PLCH1: variants seen among roughly 807,000 people sequenced by gnomAD.
The protein encoded by PLCH1 is phospholipase C eta 1.
A neutral mutation model predicts 126.7 loss-of-function variants in PLCH1; 60 were observed. The observed-to-expected ratio is 0.47, with a 90% CI of 0.38 to 0.59. The LOEUF (loss-of-function observed/expected upper bound fraction) is 0.59. Ranked by LOEUF, PLCH1 falls within the 20% of genes least tolerant of loss-of-function variation. PLCH1 has a pLI of 0.00. For synonymous variants in PLCH1, 719 were observed against 734.9 expected, an observed-to-expected ratio of 0.98 and a Z score of 0.35; for missense variants, 1,723 against 2,040.0, an observed-to-expected ratio of 0.84 and a Z score of 2.99.
chr3:155,734,865 C>T (rs577518430), intron 1 of PLCH1, among the ~76,000 whole-genome samples: 3 of 152,036 alleles, frequency 2.0e-5, no homozygotes, highest in Non-Finnish European at 4.4e-5. Context: ...CCCGCCACCA[C>T]GCCCGGCTAA....
At chr3:155,736,662 G>T (rs1022479893) in intron 1 of PLCH1, among the ~76,000 whole-genome samples, 1 of 152,030 alleles carries the variant, frequency 6.6e-6, no homozygotes, top group Non-Finnish European at 1.5e-5. Flanking sequence ...AACCTCTCCC[G>T]CCCTGTTATC....
At chr3:155,511,235 G>T (rs1719435546) in intron 12 of PLCH1, among the ~76,000 whole-genome samples, 1 of 93,120 alleles carries the variant, frequency 1.1e-5, no homozygotes, top group Non-Finnish European at 1.9e-5. Context: ...CTCTGTATTG[G>T]TTATTCTAGT....
rs139070386 is a variant in PLCH1, at chr3:155,709,664, C to T, written c.-40-5400G>A. Among the ~76,000 whole-genome samples the T allele has an allele frequency of 3.0e-3, 462 of 152,058 alleles. 1 individual carries two copies. The highest frequency in any genetic ancestry group is 6.1e-3 in the Admixed American group (93 of 15,260). On this transcript the variant is annotated intron_variant, in intron 1 of 22. Transcript: ENST00000460012. Reference sequence around the variant, plus strand: ...CAGGGTCTCACTCTGTCACTCAGGCCGAAGTACAGTGGCATAATCAAGGCT... The same window carrying T: ...CAGGGTCTCACTCTGTCACTCAGGCTGAAGTACAGTGGCATAATCAAGGCT...
At chr3:155,717,305 G>A (rs1747593289) in intron 1 of PLCH1, among the ~76,000 whole-genome samples, 1 of 152,238 alleles carries the variant, frequency 6.6e-6, no homozygotes, top group Admixed American at 6.5e-5. Flanking sequence ...CTGGGGTCTG[G>A]AAGACAGTTG....
At chr3:155,485,966 C>A (rs1337690199) in intron 21 of PLCH1, 4 of 605,638 alleles carry the variant, frequency 6.6e-6, no homozygotes, top group Non-Finnish European at 1.2e-5. Context: ...CCAGAGATGA[C>A]AAAGTGGTAG....
chr3:155,677,154 CA>C (rs1248953512), intron 2 of PLCH1, among the ~76,000 whole-genome samples: 1 of 152,172 alleles, frequency 6.6e-6, no homozygotes, highest in African/African-American at 2.4e-5. Context: ...TTTCTTCTCC[CA>C]GCTTCAGCTG....
chr3:155,645,709 C>T (rs1388210024), intron 2 of PLCH1, among the ~76,000 whole-genome samples: 1 of 152,008 alleles, frequency 6.6e-6, no homozygotes. Flanking sequence ...CTCCAGTCCT[C>T]CTGCCTCAGC....
At chr3:155,605,683 TGCCCTTTTGCAATGGCA>T (rs906253621) in intron 2 of PLCH1, among the ~76,000 whole-genome samples, 23 of 152,364 alleles carry the variant, frequency 1.5e-4, no homozygotes, top group African/African-American at 5.0e-4. Context: ...GCAAAGGCTT[TGCCCTTTTGCAATGGCA>T]GCCCGAGTTC....
rs566631947 is a variant in PLCH1, at chr3:155,725,621, G to A, written c.-41+19219C>T. On this transcript the variant is annotated intron_variant, in intron 1 of 22. Transcript: ENST00000460012. The stretch of plus-strand genomic sequence containing the variant: ...TGCCCGGCTAATTTTTGTATTTTTA[G>A]TAGAGACGGGGTTTCACCACGTTGG... Among the ~76,000 whole-genome samples, 13 of 152,020 alleles carry A rather than the reference G, an allele frequency of 8.6e-5. No individual in the cohort carries two copies. In the South Asian group the frequency reaches 2.7e-3, roughly 32 times the overall value.
intron 1 of PLCH1, among the ~76,000 whole-genome samples, chr3:155,718,387 G>C (rs1577362864): frequency 6.6e-6 from 1 of 152,084 alleles, no homozygotes. Context: ...CACATTTTCA[G>C]GTGAAATACC....
Position 155,601,989 on chromosome 3 carries a change from T to C in PLCH1, c.80-5611A>G, listed in dbSNP as rs1577112068. On this transcript the variant is annotated intron_variant, in intron 2 of 22. Coordinates refer to ENST00000460012, the MANE Select transcript of PLCH1 (RefSeq NM_014996.4). ...GGCCTTTCACTAAGCATAATGTTTT[T>C]GAGTTTTCTATGATGACTATGTTGT... is the stretch of plus-strand genomic sequence containing the variant. Among the ~76,000 whole-genome samples, 4 of 152,162 alleles carry C rather than the reference T, an allele frequency of 2.6e-5. No homozygotes were observed. The South Asian group carries it at 8.3e-4, about 32-fold the overall frequency.
intron 2 of PLCH1, among the ~76,000 whole-genome samples, chr3:155,655,762 C>A (rs1349789742): frequency 6.6e-6 from 1 of 151,784 alleles, no homozygotes; most frequent in South Asian, 2.1e-4. Flanking sequence ...TGGTAGAAAA[C>A]AAAAATCTCT....
intron 1 of PLCH1, among the ~76,000 whole-genome samples, chr3:155,741,638 T>TACTCTAAAC: frequency 6.6e-6 from 1 of 151,440 alleles, no homozygotes; most frequent in African/African-American, 2.4e-5. Context: ...AATGTTTAAA[T>TACTCTAAAC]ACTCTATTGT....
rs564157012 is a variant in PLCH1 at position 155,616,248 on chromosome 3, TTCTG to T, written c.80-19874_80-19871del. Among the ~76,000 whole-genome samples the T allele has an allele frequency of 5.0e-3, 761 of 152,348 alleles. 8 individuals are homozygous for T. The highest frequency in any genetic ancestry group is 7.9e-3 in the Non-Finnish European group (536 of 68,026). On this transcript the variant is annotated intron_variant, in intron 2 of 22. Transcript: ENST00000460012. ...TATAGTTTCTTCTAAGAGAAAGTAA[TTCTG>T]TCTAATTTAGAGGGTTTAAGCATTG...
intron 2 of PLCH1, among the ~76,000 whole-genome samples, chr3:155,647,106 C>G (rs1422056676): frequency 6.6e-6 from 1 of 152,134 alleles, no homozygotes; most frequent in Non-Finnish European, 1.5e-5. Context: ...TGATTTCCAA[C>G]TCTCTTCTCA....
intron 2 of PLCH1, chr3:155,676,413 T>C (rs1227183412): frequency 1.0e-6 from 1 of 998,736 alleles, no homozygotes; most frequent in African/African-American, 1.7e-5. Flanking sequence ...CCTCAAGGCA[T>C]TATGCACATT....
intron 2 of PLCH1, among the ~76,000 whole-genome samples, chr3:155,597,165 T>C (rs1733085053): frequency 6.6e-6 from 1 of 152,238 alleles, no homozygotes; most frequent in Non-Finnish European, 1.5e-5. Context: ...CTCTACCATT[T>C]TGTGTGCCTT....
intron 1 of PLCH1, among the ~76,000 whole-genome samples, chr3:155,726,752 G>T (rs1748358031): frequency 6.7e-6 from 1 of 149,642 alleles, no homozygotes; most frequent in South Asian, 2.1e-4. Flanking sequence ...CTGGAGTGCA[G>T]TGGTGTGATC....
chr3:155,622,150 C>A (rs1736598106), intron 2 of PLCH1, among the ~76,000 whole-genome samples: 1 of 152,186 alleles, frequency 6.6e-6, no homozygotes, highest in Non-Finnish European at 1.5e-5. Context: ...AATTTCCAAT[C>A]CAGCCAAACT....
Sources: allele counts gnomAD v4.1 joint callset (sites outside exome capture counted in the v4.1 genomes callset), GRCh38; gene constraint gnomAD v4.1.1; transcripts MANE v1.5; gene names NCBI Gene and HGNC (gene_info 2026-07-23, HGNC 2026-07-21).